SRD5A3: variants seen among roughly 807,000 people sequenced by gnomAD.
SRD5A3 encodes the protein polyprenal reductase.
SRD5A3 carries 24 observed loss-of-function variants against 34.3 expected under a neutral mutation model. The ratio of observed to expected loss-of-function variants is 0.70; its 90% CI spans 0.51 to 0.99. The LOEUF is 0.99. Ranked by LOEUF, SRD5A3 falls within the 50% of genes least tolerant of loss-of-function variation. The probability of loss-of-function intolerance (pLI) is 0.00; values close to 1 mark genes in which losing one functional copy is unlikely to be tolerated. For synonymous variants in SRD5A3, 161 were observed against 167.3 expected (o/e 0.96, Z 0.29); for missense variants, 350 against 388.2 (o/e 0.90, Z 0.83).
At chr4:55,351,922 C>A in intron 1 of SRD5A3, 1 of 696,946 alleles carries the variant, frequency 1.4e-6, no homozygotes, top group South Asian at 1.4e-5. Context: ...CTTTTAAGGT[C>A]CTGGTCAACT....
chr4:55,363,398 C>T (rs1271730068), intron 2 of SRD5A3, among the ~76,000 whole-genome samples: 1 of 152,066 alleles, frequency 6.6e-6, no homozygotes, highest in Non-Finnish European at 1.5e-5. Flanking sequence ...TGTGCCACTG[C>T]ACTCTAGCCT....
At chr4:55,359,611 G>C in intron 2 of SRD5A3, 123 bp downstream of exon 2, 1 of 1,293,826 alleles carries the variant, frequency 7.7e-7, no homozygotes, top group Non-Finnish European at 1.1e-6. Flanking sequence ...CTGGGAAGTG[G>C]AGGATGAGGG....
rs1265499953 is a variant in SRD5A3 at position 55,372,638 on chromosome 4, CA to C, written c.*2550del. On this transcript the variant is annotated 3_prime_UTR_variant, in exon 5 of 5. Coordinates refer to ENST00000264228, the MANE Select transcript of SRD5A3 (RefSeq NM_024592.5). ...TAAAGGGAGAGCATCAGGGACTTTGCAAATTCTTCACAAGGACCCAGAAATA... is the reference window on the plus strand; with the variant it reads ...TAAAGGGAGAGCATCAGGGACTTTGCAATTCTTCACAAGGACCCAGAAATA... 1.3e-5 allele frequency: 2 copies of C among 152,166 alleles called. No individual in the cohort carries two copies. Among genetic ancestry groups the C allele is most frequent in the African/African-American group, 4.8e-5 (2 of 41,430 alleles). The allele number at this position is 152,166 out of a possible 1,614,324, so 9.4% of individuals were successfully genotyped here.
chr4:55,367,496 G>A (rs1360577017), intron 3 of SRD5A3, 92 bp from the exon 4 acceptor site: 8 of 1,449,796 alleles, frequency 5.5e-6, no homozygotes, highest in Admixed American at 3.4e-5. Flanking sequence ...CGGAATAAGT[G>A]GATAATTGTG....
intron 1 of SRD5A3, among the ~76,000 whole-genome samples, chr4:55,354,050 C>A (rs6830044): frequency 0.021 from 3,228 of 152,196 alleles, 119 homozygotes; most frequent in African/African-American, 0.074. Flanking sequence ...CCTTCTTAAC[C>A]CCATAACACC....
rs758311887 is a variant in SRD5A3, at chr4:55,370,128, G to A, written c.*37G>A. The A allele has an allele frequency of 9.3e-6, 15 of 1,610,648 alleles. No individual in the cohort carries two copies. The highest frequency in any genetic ancestry group is 1.3e-5 in the African/African-American group (1 of 74,850). ...TCATGAAGAATGCAAACCAGGTGATGGTTTCAATGCCTAAGGACAGTGAAG... is the reference window on the plus strand; with the variant it reads ...TCATGAAGAATGCAAACCAGGTGATAGTTTCAATGCCTAAGGACAGTGAAG... On this transcript the variant is annotated 3_prime_UTR_variant, in exon 5 of 5. Transcript: ENST00000264228.
In SRD5A3 at chr4:55,364,141, C is replaced by A; in HGVS notation, c.432C>A (p.Leu144=). 1 of 1,614,198 alleles carries A rather than the reference C, an allele frequency of 6.2e-7. No homozygotes were observed. Among genetic ancestry groups the A allele is most frequent in the Non-Finnish European group, 8.5e-7 (1 of 1,180,040 alleles). ...VFLWLHSLRR[L]FECLYVSVFS... ...TGTGGCTGCACAGCTTACGAAGACTCTTCGAGTGCCTCTACGTCAGTGTCT... is the reference window on the plus strand; with the variant it reads ...TGTGGCTGCACAGCTTACGAAGACTATTCGAGTGCCTCTACGTCAGTGTCT... Residue 144 remains leucine (L), a synonymous_variant, in exon 3 of 5, where the codon CTC becomes CTA. Transcript: ENST00000264228.
At chr4:55,353,494 A>C (rs1202552544) in intron 1 of SRD5A3, among the ~76,000 whole-genome samples, 7 of 152,204 alleles carry the variant, frequency 4.6e-5, no homozygotes, top group Admixed American at 4.6e-4. Context: ...AAATAAGGGA[A>C]TAAAAGCTGG....
chr4:55,351,898 T>C, intron 1 of SRD5A3: 1 of 657,908 alleles, frequency 1.5e-6, no homozygotes, highest in Middle Eastern at 4.5e-4. Context: ...ACTCCAGGAA[T>C]CTTAGGGATT....
intron 1 of SRD5A3, chr4:55,352,228 T>C (rs1578202022): frequency 1.1e-6 from 1 of 947,500 alleles, no homozygotes; most frequent in Admixed American, 1.7e-5. Context: ...CCCAGCTGTG[T>C]ATTATATTGG....
At chr4:55,361,873 C>T (rs1049560161) in intron 2 of SRD5A3, among the ~76,000 whole-genome samples, 4 of 152,082 alleles carry the variant, frequency 2.6e-5, no homozygotes, top group African/African-American at 9.7e-5. Context: ...TCACTCCACT[C>T]GTTAAAACTT....
intron 2 of SRD5A3, among the ~76,000 whole-genome samples, chr4:55,361,786 AGAGT>A: frequency 6.6e-6 from 1 of 152,246 alleles, no homozygotes; most frequent in Non-Finnish European, 1.5e-5. Context: ...CCTGTGCCAC[AGAGT>A]GAGACTCCAT....
Position 55,346,601 on chromosome 4 carries a change from G to A in SRD5A3, c.221+44G>A, listed in dbSNP as rs982829843. The A allele has an allele frequency of 2.7e-6, 4 of 1,508,802 alleles. No homozygotes were observed. The East Asian group carries it at 1.1e-4, about 42-fold the overall frequency. 93.5% of individuals were successfully genotyped at this position (1,508,802 alleles called of 1,614,324 possible). ...CGAGCCGCGGTGGTCAAGGCGCTGA[G>A]AGTTCGGGGCGCCCCGGCTCGCGGG... On this transcript the variant is annotated intron_variant, in intron 1 of 4. Transcript: ENST00000264228.
chr4:55,356,576 C>T (rs1168299776), intron 1 of SRD5A3, among the ~76,000 whole-genome samples: 1 of 152,152 alleles, frequency 6.6e-6, no homozygotes, highest in African/African-American at 2.4e-5. Context: ...CAGCCTCAGC[C>T]TGAGCCTCCC....
At chr4:55,348,874 A>G (rs1303471769) in intron 1 of SRD5A3, among the ~76,000 whole-genome samples, 1 of 152,220 alleles carries the variant, frequency 6.6e-6, no homozygotes, top group African/African-American at 2.4e-5. Flanking sequence ...ATCTTGTACC[A>G]TGTGAAGCTC....
At position 55,347,860 on chromosome 4, in the gene SRD5A3, C is replaced by A. The variant is rs556965961; in HGVS notation, c.221+1303C>A. On this transcript the variant is annotated intron_variant, in intron 1 of 4. Coordinates refer to ENST00000264228, the MANE Select transcript of SRD5A3 (RefSeq NM_024592.5). Reference sequence around the variant, plus strand: ...AGGGAAGAAGTAGAAGTACATGAAACAAATTGATCAAACCTCCTGTTTCCT... The same window carrying A: ...AGGGAAGAAGTAGAAGTACATGAAAAAAATTGATCAAACCTCCTGTTTCCT... Among the ~76,000 whole-genome samples, 13 of 152,294 alleles carry A rather than the reference C, an allele frequency of 8.5e-5. No homozygotes were observed. The East Asian group carries it at 2.5e-3, about 29-fold the overall frequency.
chr4:55,363,503 AGT>A (rs1310900282), intron 2 of SRD5A3, among the ~76,000 whole-genome samples: 4 of 151,172 alleles, frequency 2.6e-5, no homozygotes, highest in Non-Finnish European at 5.9e-5. Context: ...AGAGAAACTA[AGT>A]GTGTGTTTTT....
chr4:55,364,059 C>T lies in SRD5A3; in HGVS notation c.365-15C>T, dbSNP rs369112025. Reference sequence around the variant, plus strand: ...CAGAAGAGAAATGCTGACCCTGTTGCCTTCTGAATTGTAGGAGGGGAGCTG... The same window carrying T: ...CAGAAGAGAAATGCTGACCCTGTTGTCTTCTGAATTGTAGGAGGGGAGCTG... On this transcript the variant is annotated splice_polypyrimidine_tract_variant and intron_variant, in intron 2 of 4. Transcript: ENST00000264228. 3.7e-5 allele frequency: 59 copies of T among 1,613,936 alleles called. No homozygotes were observed. In the African/African-American group the frequency reaches 5.9e-4, roughly 16 times the overall value.
intron 1 of SRD5A3, among the ~76,000 whole-genome samples, chr4:55,354,081 A>G (rs1373419441): frequency 6.6e-6 from 1 of 152,162 alleles, no homozygotes; most frequent in Non-Finnish European, 1.5e-5. Context: ...AGTCTGTTCC[A>G]GCAGTCAGCA....
Sources: gnomAD v4.1 joint callset for allele counts (sites outside exome capture counted in the v4.1 genomes callset) on GRCh38, gnomAD v4.1.1 for gene constraint, MANE v1.5 for transcripts, NCBI Gene and HGNC (gene_info 2026-07-23, HGNC 2026-07-21) for gene names.